Variants in RNGTT observed in about 807,000 individuals in gnomAD.
RNGTT encodes mRNA-capping enzyme.
RNGTT carries 33 observed loss-of-function variants against 79.3 expected under a neutral mutation model. The ratio of observed to expected loss-of-function variants is 0.42; its 90% confidence interval spans 0.32 to 0.56. The LOEUF (loss-of-function observed/expected upper bound fraction) is 0.56, where lower values mean the gene tolerates loss of function less well. Among genes scored for constraint, RNGTT ranks in the 20% least tolerant of loss-of-function variants. The pLI, the probability that RNGTT is intolerant of heterozygous loss-of-function variation, is 0.17. For synonymous variants in RNGTT, 222 were observed against 235.9 expected (o/e 0.94, Z 0.54); for missense variants, 497 against 739.1 (o/e 0.67, Z 3.80).
intron 13 of RNGTT, among the ~76,000 whole-genome samples, chr6:88,683,573 A>G (rs1037698163): frequency 1.3e-5 from 2 of 152,248 alleles, no homozygotes; most frequent in African/African-American, 4.8e-5. Flanking sequence ...TAAAGTTAGC[A>G]TAACTTTGAC....
Position 88,941,052 on chromosome 6 carries a change from A to G in RNGTT, c.174+19T>C. The stretch of plus-strand genomic sequence containing the variant: ...CAAAGTATATTAAATCAGTGACAAA[A>G]ATAAATTTTGTTTCTTACCTTTAGG... On this transcript the variant is annotated intron_variant, in intron 2 of 15. Coordinates refer to ENST00000369485, the MANE Select transcript of RNGTT (RefSeq NM_003800.5). 1 of 1,474,392 alleles carries G rather than the reference A, an allele frequency of 6.8e-7. No homozygotes were observed. The highest frequency in any genetic ancestry group is 9.5e-7 in the Non-Finnish European group (1 of 1,057,956). 91.3% of individuals were successfully genotyped at this position (1,474,392 alleles called of 1,614,324 possible). A position where few individuals can be genotyped will look rare whatever the true frequency, so the allele number is the denominator to read the frequency against.
chr6:88,725,963 AAGAG>A (rs1387494740), intron 13 of RNGTT, among the ~76,000 whole-genome samples: 1 of 151,518 alleles, frequency 6.6e-6, no homozygotes, highest in South Asian at 2.1e-4. Context: ...GAGAGAGAGA[AAGAG>A]AGAGACAGGC....
At chr6:88,633,781 T>A (rs1772993991) in intron 14 of RNGTT, among the ~76,000 whole-genome samples, 1 of 152,204 alleles carries the variant, frequency 6.6e-6, no homozygotes, top group South Asian at 2.1e-4. Flanking sequence ...TTGGATCAAC[T>A]GCACGTTTTT....
chr6:88,780,311 AAAGATTATAT>A (rs1478364572), intron 12 of RNGTT, among the ~76,000 whole-genome samples: 1 of 152,220 alleles, frequency 6.6e-6, no homozygotes, highest in African/African-American at 2.4e-5. Flanking sequence ...AATATTTATG[AAAGATTATAT>A]AAATCACTAC....
intron 4 of RNGTT, among the ~76,000 whole-genome samples, chr6:88,916,944 G>A (rs1395069996): frequency 6.6e-6 from 1 of 152,188 alleles, no homozygotes; most frequent in Non-Finnish European, 1.5e-5. Context: ...TGATGTGATT[G>A]TACTTACTTG....
intron 13 of RNGTT, 65 bp from the exon 14 acceptor site, chr6:88,678,484 C>A: frequency 9.3e-7 from 1 of 1,072,862 alleles, no homozygotes; most frequent in South Asian, 3.8e-5. Context: ...GTATAATTAT[C>A]AAAATTTGAA....
chr6:88,707,734 A>T (rs566129862), intron 13 of RNGTT, among the ~76,000 whole-genome samples: 1 of 151,480 alleles, frequency 6.6e-6, no homozygotes, highest in South Asian at 2.1e-4. Flanking sequence ...TTAAAAAAAA[A>T]AAAAAAAGGC....
At chr6:88,651,598 T>C (rs982280860) in intron 14 of RNGTT, among the ~76,000 whole-genome samples, 3 of 151,954 alleles carry the variant, frequency 2.0e-5, no homozygotes, top group African/African-American at 7.2e-5. Flanking sequence ...AGTTATAAAA[T>C]GCTGACAAAG....
At chr6:88,731,003 T>A (rs1336182581) in intron 13 of RNGTT, among the ~76,000 whole-genome samples, 1 of 152,102 alleles carries the variant, frequency 6.6e-6, no homozygotes, top group Non-Finnish European at 1.5e-5. Context: ...TGATATTTTG[T>A]CATAGGATTG....
intron 11 of RNGTT, among the ~76,000 whole-genome samples, chr6:88,839,381 G>A (rs1191341206): frequency 1.3e-5 from 2 of 152,068 alleles, no homozygotes; most frequent in Non-Finnish European, 2.9e-5. Flanking sequence ...GACCAGCCTG[G>A]TCAATACAGC....
intron 11 of RNGTT, among the ~76,000 whole-genome samples, chr6:88,835,713 C>T (rs953726827): frequency 2.6e-5 from 4 of 152,126 alleles, no homozygotes; most frequent in Non-Finnish European, 4.4e-5. Context: ...TTGGTACAAA[C>T]TTTCCAAAAC....
chr6:88,828,560 G>A (rs1780746102), intron 11 of RNGTT, among the ~76,000 whole-genome samples: 1 of 152,122 alleles, frequency 6.6e-6, no homozygotes, highest in Non-Finnish European at 1.5e-5. Flanking sequence ...ATTGACAGAA[G>A]TAGGCTTCAG....
chr6:88,867,943 A>G (rs568382616), intron 8 of RNGTT, among the ~76,000 whole-genome samples: 1 of 152,298 alleles, frequency 6.6e-6, no homozygotes, highest in South Asian at 2.1e-4. Context: ...GAGAATTACT[A>G]TAGGGTTTTC....
chr6:88,674,219 T>G (rs1408677105), intron 14 of RNGTT, among the ~76,000 whole-genome samples: 1 of 152,206 alleles, frequency 6.6e-6, no homozygotes, highest in African/African-American at 2.4e-5. Context: ...GCTAATGCTA[T>G]GGTAACTAAG....
intron 12 of RNGTT, among the ~76,000 whole-genome samples, chr6:88,772,912 T>C (rs1464226082): frequency 1.3e-5 from 2 of 152,102 alleles, no homozygotes; most frequent in Non-Finnish European, 2.9e-5. Flanking sequence ...GTCAGTGTGG[T>C]GATTCTTCAG....
At chr6:88,855,357 G>A (rs1447672545) in intron 8 of RNGTT, among the ~76,000 whole-genome samples, 1 of 152,144 alleles carries the variant, frequency 6.6e-6, no homozygotes, top group East Asian at 1.9e-4. Flanking sequence ...GGATAGGTGA[G>A]GAGAAATAGG....
chr6:88,681,558 A>G (rs1775096062), intron 13 of RNGTT, among the ~76,000 whole-genome samples: 1 of 152,156 alleles, frequency 6.6e-6, no homozygotes. Context: ...GGATTTCTTT[A>G]AATACTTTTA....
intron 14 of RNGTT, among the ~76,000 whole-genome samples, chr6:88,671,622 T>TA (rs1054195424): frequency 1.1e-4 from 17 of 151,508 alleles, no homozygotes; most frequent in South Asian, 2.1e-4. Flanking sequence ...TCATATGGAA[T>TA]AAAAAAAAGA....
At chr6:88,615,055 C>A (rs1772167996) in intron 14 of RNGTT, among the ~76,000 whole-genome samples, 1 of 152,194 alleles carries the variant, frequency 6.6e-6, no homozygotes, top group Non-Finnish European at 1.5e-5. Context: ...TATGGATACT[C>A]TATCAAAGCT....
Sources: allele counts gnomAD v4.1 joint callset (sites outside exome capture counted in the v4.1 genomes callset), GRCh38; gene constraint gnomAD v4.1.1; transcripts MANE v1.5; gene names NCBI Gene and HGNC (gene_info 2026-07-23, HGNC 2026-07-21).